SGCZ: variants seen among roughly 807,000 people sequenced by gnomAD.
SGCZ encodes zeta-sarcoglycan.
Under a neutral mutation model 41.3 loss-of-function variants are expected in SGCZ, and 40 were observed. The ratio of observed to expected loss-of-function variants is 0.97; its 90% confidence interval spans 0.75 to 1.26. SGCZ has a LOEUF of 1.26. Ranked by LOEUF, SGCZ falls within the 50% of genes most tolerant of loss-of-function variation. The probability of loss-of-function intolerance (pLI) is 0.00; values close to 1 mark genes in which losing one functional copy is unlikely to be tolerated. For missense variants in SGCZ, 552 were observed against 369.8 expected (o/e 1.49, Z -4.04); for synonymous variants, 206 against 137.5 (o/e 1.50, Z -3.49).
At chr8:14,177,312 G>T (rs1192778068) in intron 4 of SGCZ, among the ~76,000 whole-genome samples, 1 of 152,162 alleles carries the variant, frequency 6.6e-6, no homozygotes, top group African/African-American at 2.4e-5. Context: ...AGAAAGGATT[G>T]AAACTCCTGC....
chr8:14,229,947 G>A (rs1160127081), intron 4 of SGCZ, among the ~76,000 whole-genome samples: 1 of 152,004 alleles, frequency 6.6e-6, no homozygotes, highest in African/African-American at 2.4e-5. Context: ...AAATTTCATT[G>A]AAAAATAAAA....
chr8:14,472,899 G>A (rs998203546), intron 2 of SGCZ, among the ~76,000 whole-genome samples: 1 of 152,066 alleles, frequency 6.6e-6, no homozygotes, highest in African/African-American at 2.4e-5. Context: ...TTAACAAATA[G>A]TTCTCACCCT....
chr8:14,308,626 A>G (rs1043843565), intron 3 of SGCZ, among the ~76,000 whole-genome samples: 2 of 152,074 alleles, frequency 1.3e-5, no homozygotes, highest in African/African-American at 4.8e-5. Flanking sequence ...AAAAAAATTT[A>G]TAAAACATCC....
At chr8:14,317,496 A>G (rs1264506961) in intron 3 of SGCZ, among the ~76,000 whole-genome samples, 1 of 152,002 alleles carries the variant, frequency 6.6e-6, no homozygotes, top group Non-Finnish European at 1.5e-5. Context: ...GATTATATAC[A>G]CAACACCCAA....
chr8:14,417,525 T>C (rs576254277), intron 2 of SGCZ, among the ~76,000 whole-genome samples: 1 of 152,052 alleles, frequency 6.6e-6, no homozygotes, highest in South Asian at 2.1e-4. Context: ...TATCTGGGGA[T>C]TGTTCCATGA....
intron 1 of SGCZ, among the ~76,000 whole-genome samples, chr8:15,178,996 G>A (rs1800080796): frequency 1.3e-5 from 2 of 152,130 alleles, no homozygotes; most frequent in African/African-American, 2.4e-5. Context: ...GACACATTAT[G>A]AGACTTTCCT....
chr8:14,102,076 T>TTATATATATATATATA (rs55667194), intron 7 of SGCZ, among the ~76,000 whole-genome samples: 13 of 119,914 alleles, frequency 1.1e-4, no homozygotes, highest in African/African-American at 4.5e-4. Context: ...TTGGCTAACT[T>TTATATATATATATATA]TATATATATA....
intron 1 of SGCZ, among the ~76,000 whole-genome samples, chr8:14,841,301 T>C (rs181952811): frequency 6.6e-6 from 1 of 152,112 alleles, no homozygotes; most frequent in Admixed American, 6.6e-5. Context: ...CCAAAGAAGC[T>C]CTCAGGCTAA....
chr8:14,243,622 G>A (rs1173064287), intron 3 of SGCZ, among the ~76,000 whole-genome samples: 1 of 152,122 alleles, frequency 6.6e-6, no homozygotes, highest in East Asian at 1.9e-4. Flanking sequence ...CGTCATTTAA[G>A]AGTAAGCCAA....
At position 14,412,839 on chromosome 8, in the gene SGCZ, T is replaced by C. The variant is rs138397147; in HGVS notation, c.235-88635A>G. ...TAAAATAGTTGAACTTGAAGAGTATTTGACATTCTGAAACTTGATAGATAT... is the reference window on the plus strand; with the variant it reads ...TAAAATAGTTGAACTTGAAGAGTATCTGACATTCTGAAACTTGATAGATAT... On this transcript the variant is annotated intron_variant, in intron 2 of 7. Coordinates refer to ENST00000382080, the MANE Select transcript of SGCZ (RefSeq NM_139167.4). 8.6e-4 allele frequency among the ~76,000 whole-genome samples: 131 copies of C among 152,152 alleles called. 2 individuals are homozygous for C. In the East Asian group the frequency reaches 0.023, roughly 27 times the overall value.
intron 1 of SGCZ, among the ~76,000 whole-genome samples, chr8:15,044,646 T>A (rs1408283354): frequency 6.6e-6 from 1 of 152,028 alleles, no homozygotes; most frequent in Non-Finnish European, 1.5e-5. Context: ...TCACTGAGGA[T>A]AGGTTATACG....
At chr8:14,991,268 G>A (rs1363920319) in intron 1 of SGCZ, among the ~76,000 whole-genome samples, 1 of 152,076 alleles carries the variant, frequency 6.6e-6, no homozygotes, top group Non-Finnish European at 1.5e-5. Context: ...AGGCTCGATA[G>A]TAATAGGTAC....
intron 1 of SGCZ, among the ~76,000 whole-genome samples, chr8:14,580,143 T>G (rs1363441991): frequency 6.6e-6 from 1 of 152,126 alleles, no homozygotes; most frequent in Non-Finnish European, 1.5e-5. Context: ...AAACACAGAA[T>G]TGCTCAGTTA....
At chr8:14,684,803 T>A (rs1033769431) in intron 1 of SGCZ, among the ~76,000 whole-genome samples, 2 of 152,060 alleles carry the variant, frequency 1.3e-5, no homozygotes, top group Non-Finnish European at 2.9e-5. Context: ...CAATGCTTCA[T>A]AACCCTATTG....
chr8:14,944,870 G>C (rs1055290947), intron 1 of SGCZ, among the ~76,000 whole-genome samples: 14 of 152,218 alleles, frequency 9.2e-5, no homozygotes, highest in African/African-American at 3.1e-4. Context: ...TCAAACCATT[G>C]TAAGTTGACA....
chr8:15,215,441 T>G (rs1169700514), intron 1 of SGCZ, among the ~76,000 whole-genome samples: 2 of 152,198 alleles, frequency 1.3e-5, no homozygotes. Flanking sequence ...TTTACTTCCT[T>G]CGGGGAAGTC....
rs573172033 is a variant in SGCZ at position 14,231,119 on chromosome 8, C to T, written c.424+6473G>A. Among the ~76,000 whole-genome samples, 14 of 147,368 alleles carry T rather than the reference C, an allele frequency of 9.5e-5. No individual in the cohort carries two copies. The East Asian group carries it at 2.4e-3, about 25-fold the overall frequency. ...TTTCTAAAAGGTGTCCTGACTCTGA[C>T]TTTGCTTCCTAGTACTTTCCTTGCT... On this transcript the variant is annotated intron_variant, in intron 4 of 7. Coordinates refer to ENST00000382080, the MANE Select transcript of SGCZ (RefSeq NM_139167.4).
At chr8:14,810,097 A>G (rs990818775) in intron 1 of SGCZ, among the ~76,000 whole-genome samples, 1 of 152,094 alleles carries the variant, frequency 6.6e-6, no homozygotes. Context: ...TCAGTGCTGA[A>G]GGTAAGGAAG....
At chr8:14,193,134 G>C (rs989021568) in intron 4 of SGCZ, among the ~76,000 whole-genome samples, 1 of 151,468 alleles carries the variant, frequency 6.6e-6, no homozygotes, top group African/African-American at 2.4e-5. Flanking sequence ...TTTCTTTTTT[G>C]ACAAAGTAAT....
Sources: allele counts gnomAD v4.1 joint callset (sites outside exome capture counted in the v4.1 genomes callset), GRCh38; gene constraint gnomAD v4.1.1; transcripts MANE v1.5; gene names NCBI Gene and HGNC (gene_info 2026-07-23, HGNC 2026-07-21).